The following ESRRG variants were observed in gnomAD, a reference collection of about 807,000 sequenced individuals.
ESRRG encodes the protein estrogen-related receptor gamma.
In ESRRG, 13 loss-of-function variants were observed where a neutral mutation model predicts 44.0. The ratio of observed to expected loss-of-function variants is 0.30; its 90% CI spans 0.19 to 0.47. ESRRG has a LOEUF of 0.47. Ranked by LOEUF, ESRRG falls within the 20% of genes least tolerant of loss-of-function variation. The pLI, the probability that ESRRG is intolerant of heterozygous loss-of-function variation, is 1.00. For missense variants in ESRRG, 395 were observed against 580.6 expected, an observed-to-expected ratio of 0.68 and a Z score of 3.29; for synonymous variants, 215 against 214.6, an observed-to-expected ratio of 1.00 and a Z score of -0.02.
At chr1:217,002,336 GAAAGAAAGAAAAGA>G (rs1313726663) in intron 1 of ESRRG, among the ~76,000 whole-genome samples, 1 of 102,942 alleles carries the variant, frequency 9.7e-6, no homozygotes, top group Non-Finnish European at 2.2e-5. Context: ...AAAAAAAAAA[GAAAGAAAGAAAAGA>G]AAAGAAAGAA....
At chr1:216,613,011 C>T (rs572660333) in intron 3 of ESRRG, among the ~76,000 whole-genome samples, 11 of 152,044 alleles carry the variant, frequency 7.2e-5, no homozygotes, top group African/African-American at 1.2e-4. Flanking sequence ...TTCAGCTTTT[C>T]GAATTGAACT....
intron 2 of ESRRG, among the ~76,000 whole-genome samples, chr1:216,873,705 G>T (rs1259434110): frequency 6.6e-6 from 1 of 151,238 alleles, no homozygotes; most frequent in Non-Finnish European, 1.5e-5. Context: ...GACAGAGAGG[G>T]AAAGTAACAT....
intron 1 of ESRRG, among the ~76,000 whole-genome samples, chr1:217,011,433 G>A (rs184458080): frequency 4.6e-5 from 7 of 152,314 alleles, no homozygotes; most frequent in Non-Finnish European, 7.3e-5. Flanking sequence ...GAATTAAGCT[G>A]AATCATTGCA....
At chr1:216,811,486 C>T (rs557187659) in intron 2 of ESRRG, among the ~76,000 whole-genome samples, 5 of 152,178 alleles carry the variant, frequency 3.3e-5, no homozygotes, top group African/African-American at 4.8e-5. Flanking sequence ...TGTAAGTACG[C>T]GCACTTGCAA....
chr1:216,703,527 T>C (rs910265043), intron 1 of ESRRG, among the ~76,000 whole-genome samples: 3 of 152,146 alleles, frequency 2.0e-5, no homozygotes, highest in African/African-American at 7.2e-5. Context: ...CAGGAAAAGG[T>C]AATTTAAGAA....
intron 1 of ESRRG, among the ~76,000 whole-genome samples, chr1:217,073,984 G>T (rs2090934865): frequency 6.6e-6 from 1 of 150,560 alleles, no homozygotes; most frequent in South Asian, 2.1e-4. Context: ...CTGCTTTTTA[G>T]TATATATGAT....
intron 1 of ESRRG, among the ~76,000 whole-genome samples, chr1:217,005,798 G>GA (rs759588771): frequency 2.2e-4 from 34 of 151,814 alleles, no homozygotes; most frequent in Non-Finnish European, 3.2e-4. Flanking sequence ...TTTTTTCTAA[G>GA]CATTTTAAAG....
chr1:216,861,915 T>C (rs1038117520), intron 2 of ESRRG, among the ~76,000 whole-genome samples: 14 of 152,138 alleles, frequency 9.2e-5, no homozygotes, highest in Non-Finnish European at 1.5e-4. Flanking sequence ...AAGGAAGATA[T>C]ATGAATGATA....
rs1046173776 is a variant in ESRRG, at chr1:216,974,795, AC to A, written c.-105-35123del. Among the ~76,000 whole-genome samples the A allele has an allele frequency of 6.7e-4, 101 of 149,954 alleles. 1 individual carries two copies. The highest frequency in any genetic ancestry group is 2.2e-3 in the African/African-American group (89 of 40,854). ...AGTATATGGGTCTCTTTCCCTCCCCACCCCCAGACTTTTCTCTCATTCTCTC... is the reference window on the plus strand; with the variant it reads ...AGTATATGGGTCTCTTTCCCTCCCCACCCCAGACTTTTCTCTCATTCTCTC... On this transcript the variant is annotated intron_variant, in intron 1 of 7. Transcript: ENST00000359162.
At chr1:216,635,659 G>T (rs2065146507) in intron 3 of ESRRG, among the ~76,000 whole-genome samples, 1 of 152,086 alleles carries the variant, frequency 6.6e-6, no homozygotes, top group African/African-American at 2.4e-5. Context: ...CCACTGAGGG[G>T]TCTCTGTAAT....
intron 2 of ESRRG, among the ~76,000 whole-genome samples, chr1:216,789,380 G>A (rs1458910627): frequency 6.6e-6 from 1 of 152,126 alleles, no homozygotes; most frequent in African/African-American, 2.4e-5. Context: ...AGGCTCAGAT[G>A]ATCATTAGCA....
At chr1:216,640,654 C>A (rs1388649308) in intron 3 of ESRRG, among the ~76,000 whole-genome samples, 2 of 152,090 alleles carry the variant, frequency 1.3e-5, no homozygotes, top group Non-Finnish European at 2.9e-5. Context: ...GTCTGCATAG[C>A]CTTAACCAGA....
intron 1 of ESRRG, among the ~76,000 whole-genome samples, chr1:216,688,149 GA>G (rs927993103): frequency 3.3e-5 from 5 of 152,138 alleles, no homozygotes; most frequent in African/African-American, 4.8e-5. Flanking sequence ...CTGTAATTAA[GA>G]AAAAAATTTC....
At chr1:216,860,923 A>G (rs1276208193) in intron 2 of ESRRG, among the ~76,000 whole-genome samples, 1 of 152,178 alleles carries the variant, frequency 6.6e-6, no homozygotes, top group Non-Finnish European at 1.5e-5. Context: ...GGTTTATAAT[A>G]TATGTAAGAG....
At chr1:216,971,101 G>T (rs1192890583) in intron 1 of ESRRG, among the ~76,000 whole-genome samples, 1 of 152,114 alleles carries the variant, frequency 6.6e-6, no homozygotes, top group Non-Finnish European at 1.5e-5. Context: ...ATAGTTATCT[G>T]CTCCATTATA....
intron 1 of ESRRG, among the ~76,000 whole-genome samples, chr1:217,007,276 A>T (rs2150737266): frequency 6.6e-6 from 1 of 152,284 alleles, no homozygotes; most frequent in Admixed American, 6.5e-5. Context: ...CAAGGGGGAG[A>T]GGGCCAGTGC....
At chr1:216,763,912 C>T (rs1040664075) in intron 2 of ESRRG, among the ~76,000 whole-genome samples, 15 of 151,900 alleles carry the variant, frequency 9.9e-5, no homozygotes, top group African/African-American at 3.1e-4. Flanking sequence ...TATTTAGCAC[C>T]GAGTAGGTAT....
chr1:216,577,801 G>A (rs202031270), intron 3 of ESRRG, among the ~76,000 whole-genome samples: 1 of 152,008 alleles, frequency 6.6e-6, no homozygotes, highest in East Asian at 1.9e-4. Flanking sequence ...ATAGATGGCA[G>A]AGAAAGGTGC....
intron 2 of ESRRG, among the ~76,000 whole-genome samples, chr1:216,910,647 C>T (rs1264170303): frequency 6.6e-6 from 1 of 152,146 alleles, no homozygotes; most frequent in Non-Finnish European, 1.5e-5. Context: ...GGCTATTATA[C>T]TCTTGATGTC....
Sources: allele counts gnomAD v4.1 joint callset (sites outside exome capture counted in the v4.1 genomes callset), GRCh38; gene constraint gnomAD v4.1.1; transcripts MANE v1.5; gene names NCBI Gene and HGNC (gene_info 2026-07-23, HGNC 2026-07-21).